The following CSMD1 variants were observed in gnomAD, a reference collection of about 807,000 sequenced individuals.
The protein encoded by CSMD1 is CUB and sushi domain-containing protein 1.
CSMD1 carries 213 observed loss-of-function variants against 417.5 expected under a neutral mutation model. The observed-to-expected ratio is 0.51, with a 90% confidence interval of 0.46 to 0.57. CSMD1 has a LOEUF of 0.57. Ranked by LOEUF, CSMD1 falls within the 20% of genes least tolerant of loss-of-function variation. CSMD1 has a pLI of 0.00. For synonymous variants in CSMD1, 2,862 were observed against 1,736.8 expected (o/e 1.65, Z -16.11); for missense variants, 6,923 against 4,529.7 (o/e 1.53, Z -15.17).
At chr8:4,677,712 AC>A in intron 1 of CSMD1, among the ~76,000 whole-genome samples, 1 of 152,272 alleles carries the variant, frequency 6.6e-6, no homozygotes, top group East Asian at 1.9e-4. Flanking sequence ...GATGCAGAAA[AC>A]CCATTAGAGT....
chr8:4,526,998 A>G (rs911993568), intron 2 of CSMD1, among the ~76,000 whole-genome samples: 1 of 152,168 alleles, frequency 6.6e-6, no homozygotes, highest in Middle Eastern at 3.2e-3. Context: ...TCTTACTTAC[A>G]AAGTCTTTAT....
At chr8:3,892,534 AAATAAT>A (rs34846347) in intron 5 of CSMD1, among the ~76,000 whole-genome samples, 52 of 147,890 alleles carry the variant, frequency 3.5e-4, no homozygotes, top group African/African-American at 7.3e-4. Context: ...AATTTTGCAA[AAATAAT>A]AATAATAATA....
chr8:3,436,186 T>C (rs1023999298), intron 12 of CSMD1, among the ~76,000 whole-genome samples: 1 of 152,148 alleles, frequency 6.6e-6, no homozygotes, highest in African/African-American at 2.4e-5. Context: ...AAGGCTAAGA[T>C]ACCATCATTA....
intron 10 of CSMD1, among the ~76,000 whole-genome samples, chr8:3,539,085 T>A (rs189899228): frequency 4.6e-5 from 7 of 152,272 alleles, no homozygotes; most frequent in Non-Finnish European, 7.4e-5. Flanking sequence ...TCTCTTACAG[T>A]CTTGCCCCAG....
chr8:3,408,372 C>T (rs1252096024), intron 13 of CSMD1, 147 bp from the exon 14 acceptor site: 2 of 635,948 alleles, frequency 3.1e-6, no homozygotes, highest in African/African-American at 3.7e-5. Context: ...TAATTCTGGA[C>T]CATAATGTTT....
intron 26 of CSMD1, among the ~76,000 whole-genome samples, chr8:3,257,692 A>T (rs775349382): frequency 6.6e-6 from 1 of 152,126 alleles, no homozygotes; most frequent in Non-Finnish European, 1.5e-5. Context: ...GTTTCTATCA[A>T]AGACCCTAAA....
At chr8:4,939,462 A>C (rs1484660301) in intron 1 of CSMD1, among the ~76,000 whole-genome samples, 1 of 152,254 alleles carries the variant, frequency 6.6e-6, no homozygotes, top group African/African-American at 2.4e-5. Flanking sequence ...AGTACTATTC[A>C]GCCTTTAAAA....
chr8:4,054,660 C>G (rs2130709849), intron 3 of CSMD1, among the ~76,000 whole-genome samples: 1 of 152,248 alleles, frequency 6.6e-6, no homozygotes, highest in South Asian at 2.1e-4. Context: ...GGTCCTTGCA[C>G]AGTGTCTCAT....
chr8:4,788,056 T>C (rs944530936), intron 1 of CSMD1: 34 of 1,593,970 alleles, frequency 2.1e-5, no homozygotes, highest in Non-Finnish European at 2.7e-5. Flanking sequence ...AAGAAAAACT[T>C]TGAGTGGGTT....
chr8:3,525,141 G>A (rs770182716), intron 10 of CSMD1, among the ~76,000 whole-genome samples: 1 of 151,824 alleles, frequency 6.6e-6, no homozygotes, highest in Non-Finnish European at 1.5e-5. Flanking sequence ...CACATACAGT[G>A]AGTCTTGAGT....
intron 3 of CSMD1, among the ~76,000 whole-genome samples, chr8:4,406,853 C>T (rs1805060249): frequency 6.6e-6 from 1 of 152,120 alleles, no homozygotes; most frequent in Non-Finnish European, 1.5e-5. Context: ...TTAAAATGTC[C>T]ACTGTAAATA....
At chr8:3,388,889 A>G (rs1282478834) in intron 17 of CSMD1, among the ~76,000 whole-genome samples, 1 of 127,414 alleles carries the variant, frequency 7.8e-6, no homozygotes, top group Admixed American at 8.9e-5. Context: ...CACACCACAC[A>G]CATGCATACA....
At chr8:4,459,283 G>C (rs770524821) in intron 2 of CSMD1, among the ~76,000 whole-genome samples, 4 of 152,206 alleles carry the variant, frequency 2.6e-5, no homozygotes, top group Non-Finnish European at 2.9e-5. Flanking sequence ...CCTGTCACTT[G>C]TGCACCAGAT....
chr8:3,987,900 C>G (rs1784392303), intron 5 of CSMD1, among the ~76,000 whole-genome samples: 1 of 152,156 alleles, frequency 6.6e-6, no homozygotes, highest in South Asian at 2.1e-4. Context: ...CATCTTCTAC[C>G]TGATCTCTGA....
At chr8:4,728,445 T>C (rs982911911) in intron 1 of CSMD1, among the ~76,000 whole-genome samples, 3 of 152,176 alleles carry the variant, frequency 2.0e-5, no homozygotes, top group African/African-American at 7.2e-5. Flanking sequence ...TTCAGTCTTG[T>C]TACCAATTGA....
chr8:3,866,748 A>C (rs1805132110), intron 5 of CSMD1, among the ~76,000 whole-genome samples: 1 of 152,088 alleles, frequency 6.6e-6, no homozygotes, highest in South Asian at 2.1e-4. Flanking sequence ...GATTCTCCTG[A>C]TGGTACAAAC....
intron 2 of CSMD1, among the ~76,000 whole-genome samples, chr8:4,636,457 A>G (rs2617004): frequency 0.27 from 40,714 of 152,084 alleles, 5,570 homozygotes; most frequent in Middle Eastern, 0.33. Context: ...ATAGCCCTGA[A>G]TGTTGTTCCC....
In CSMD1 at chr8:4,241,260, G is replaced by C. The variant is rs149324119; in HGVS notation, c.415+178693C>G. On this transcript the variant is annotated intron_variant, in intron 3 of 69. Transcript: ENST00000635120. ...TGACACCCTTCATATACACCACAGGGCCCTAAATAATCTCACCACAATTCA... is the reference window on the plus strand; with the variant it reads ...TGACACCCTTCATATACACCACAGGCCCCTAAATAATCTCACCACAATTCA... Among the ~76,000 whole-genome samples, 296 of 152,220 alleles carry C rather than the reference G, an allele frequency of 1.9e-3. 2 individuals are homozygous for C. Among genetic ancestry groups the C allele is most frequent in the African/African-American group, 6.3e-3 (261 of 41,528 alleles).
chr8:4,294,498 G>C (rs987805677), intron 3 of CSMD1, among the ~76,000 whole-genome samples: 1 of 152,036 alleles, frequency 6.6e-6, no homozygotes, highest in African/African-American at 2.4e-5. Flanking sequence ...TTTAACCTCA[G>C]GATAATGCCA....
Sources: allele counts gnomAD v4.1 joint callset (sites outside exome capture counted in the v4.1 genomes callset), GRCh38; gene constraint gnomAD v4.1.1; transcripts MANE v1.5; gene names NCBI Gene and HGNC (gene_info 2026-07-23, HGNC 2026-07-21).